Variants in GPATCH2 observed in about 807,000 individuals in gnomAD.
GPATCH2 encodes G-patch domain containing 2.
In GPATCH2, 51 loss-of-function variants were observed where a neutral mutation model predicts 58.0. That is an observed-to-expected ratio of 0.88 (90% CI 0.70 to 1.11). The LOEUF is 1.11. Among genes scored for constraint, GPATCH2 ranks in the 50% most tolerant of loss-of-function variants. The pLI, the probability that GPATCH2 is intolerant of heterozygous loss-of-function variation, is 0.00. For missense variants in GPATCH2, 625 were observed against 652.2 expected (o/e 0.96, Z 0.45); for synonymous variants, 222 against 218.5 (o/e 1.02, Z -0.14).
intron 5 of GPATCH2, among the ~76,000 whole-genome samples, chr1:217,528,501 G>A (rs1244150863): frequency 6.6e-6 from 1 of 152,182 alleles, no homozygotes; most frequent in Non-Finnish European, 1.5e-5. Context: ...GCTCCTTGGT[G>A]AATGAAAAGG....
intron 2 of GPATCH2, among the ~76,000 whole-genome samples, chr1:217,616,821 A>G (rs1668909441): frequency 6.6e-6 from 1 of 152,188 alleles, no homozygotes; most frequent in Admixed American, 6.5e-5. Flanking sequence ...GTACACTAAT[A>G]TCAATCACTT....
At chr1:217,513,123 C>T (rs1571837506) in intron 6 of GPATCH2, among the ~76,000 whole-genome samples, 1 of 152,142 alleles carries the variant, frequency 6.6e-6, no homozygotes, top group East Asian at 1.9e-4. Flanking sequence ...TACCCCATCT[C>T]TACTAAAAAT....
intron 5 of GPATCH2, among the ~76,000 whole-genome samples, chr1:217,604,142 G>A (rs1668244769): frequency 1.3e-5 from 2 of 152,020 alleles, no homozygotes; most frequent in South Asian, 4.2e-4. Flanking sequence ...CCTGAGGTCA[G>A]GAGTTTGAGA....
At chr1:217,509,413 C>T (rs930143693) in intron 6 of GPATCH2, among the ~76,000 whole-genome samples, 24 of 152,114 alleles carry the variant, frequency 1.6e-4, no homozygotes, top group African/African-American at 5.8e-4. Flanking sequence ...CTACCTCACC[C>T]GCTCCCAGTA....
In GPATCH2 at chr1:217,630,945, C is replaced by A. The variant is rs1040653895; in HGVS notation, c.27G>T (p.Pro9=). ...TGTTCCCGGCTGCTGGAGCTCCGAT[C>A]GGTTGGCGCCCGGCGGCCCCGAACA... MFGAAGRQ[P]IGAPAAGNSW... The change falls in exon 1 of 10, where the codon CCG becomes CCT. Residue 9 remains proline (P), a synonymous_variant. Transcript: ENST00000366935. The A allele has an allele frequency of 4.4e-6, 7 of 1,589,558 alleles. No homozygotes were observed. In the African/African-American group the frequency reaches 6.7e-5, roughly 15 times the overall value.
At chr1:217,613,027 T>C (rs866915311) in intron 3 of GPATCH2, among the ~76,000 whole-genome samples, 7 of 152,240 alleles carry the variant, frequency 4.6e-5, no homozygotes, top group Middle Eastern at 6.8e-3. Flanking sequence ...AGTTTTTTTT[T>C]ACTTTTTTTC....
chr1:217,580,198 A>G lies in GPATCH2; in HGVS notation c.1098+30123T>C, dbSNP rs533862210. 7.9e-5 allele frequency among the ~76,000 whole-genome samples: 12 copies of G among 152,306 alleles called. No homozygotes were observed. In the South Asian group the frequency reaches 2.5e-3, roughly 32 times the overall value. ...CTCCTTAAATATTTTTGATGCACAA[A>G]TTTAACTTGGTATACCACACCATAA... On this transcript the variant is annotated intron_variant, in intron 5 of 9. Transcript: ENST00000366935.
chr1:217,515,615 G>C (rs901464768), intron 5 of GPATCH2, among the ~76,000 whole-genome samples: 1 of 152,010 alleles, frequency 6.6e-6, no homozygotes. Flanking sequence ...GGCTGAGGCC[G>C]CAGAATCGCT....
At chr1:217,494,124 C>A (rs145847048) in intron 7 of GPATCH2, among the ~76,000 whole-genome samples, 19 of 152,196 alleles carry the variant, frequency 1.2e-4, no homozygotes, top group African/African-American at 4.6e-4. Flanking sequence ...TGTTATAGCT[C>A]CTTTTATTAG....
intron 5 of GPATCH2, among the ~76,000 whole-genome samples, chr1:217,528,365 C>A (rs1664023374): frequency 6.6e-6 from 1 of 152,174 alleles, no homozygotes. Flanking sequence ...TTTGCCTTTA[C>A]TTCCTCGTTG....
intron 6 of GPATCH2, among the ~76,000 whole-genome samples, chr1:217,510,358 C>T (rs999793125): frequency 4.9e-4 from 74 of 151,764 alleles, no homozygotes; most frequent in African/African-American, 1.8e-3. Flanking sequence ...ATTTGATATC[C>T]TCCACCATTT....
chr1:217,532,900 G>GTTT (rs59591091), intron 5 of GPATCH2, among the ~76,000 whole-genome samples: 1 of 110,860 alleles, frequency 9.0e-6, no homozygotes, highest in Non-Finnish European at 1.8e-5. Flanking sequence ...TTTTTTTTTT[G>GTTT]TTTTTTTTTT....
At chr1:217,615,301 T>TA in intron 2 of GPATCH2, among the ~76,000 whole-genome samples, 1 of 152,226 alleles carries the variant, frequency 6.6e-6, no homozygotes, top group South Asian at 2.1e-4. Flanking sequence ...AGGAATTTCT[T>TA]AAGAGGCACA....
chr1:217,432,221 T>C (rs1658575572), intron 9 of GPATCH2, among the ~76,000 whole-genome samples: 1 of 152,038 alleles, frequency 6.6e-6, no homozygotes, highest in Non-Finnish European at 1.5e-5. Flanking sequence ...GTGCTTAACA[T>C]GAAATTTAGA....
At chr1:217,530,065 A>G (rs1051546459) in intron 5 of GPATCH2, among the ~76,000 whole-genome samples, 1 of 152,240 alleles carries the variant, frequency 6.6e-6, no homozygotes, top group African/African-American at 2.4e-5. Flanking sequence ...CCTTTGTGGT[A>G]AGTCTAGAAA....
intron 5 of GPATCH2, among the ~76,000 whole-genome samples, chr1:217,598,794 T>C (rs1332972806): frequency 6.6e-6 from 1 of 152,214 alleles, no homozygotes; most frequent in Non-Finnish European, 1.5e-5. Flanking sequence ...TACAATGTGC[T>C]AATAGCTCCC....
At chr1:217,561,323 C>T (rs1665914028) in intron 5 of GPATCH2, among the ~76,000 whole-genome samples, 1 of 152,134 alleles carries the variant, frequency 6.6e-6, no homozygotes, top group Non-Finnish European at 1.5e-5. Context: ...AGGAGGAGCT[C>T]TGGTGTCACT....
intron 5 of GPATCH2, among the ~76,000 whole-genome samples, chr1:217,592,457 C>G (rs1667636002): frequency 6.6e-6 from 1 of 151,424 alleles, no homozygotes; most frequent in Non-Finnish European, 1.5e-5. Context: ...AAATGGATAC[C>G]AATATGACTT....
chr1:217,468,921 A>T (rs1168576875), intron 8 of GPATCH2, among the ~76,000 whole-genome samples: 3 of 152,122 alleles, frequency 2.0e-5, no homozygotes, highest in Non-Finnish European at 4.4e-5. Flanking sequence ...ATGATAAAAT[A>T]TTGTTAAAAA....
Sources: allele counts gnomAD v4.1 joint callset (sites outside exome capture counted in the v4.1 genomes callset), GRCh38; gene constraint gnomAD v4.1.1; transcripts MANE v1.5; gene names NCBI Gene and HGNC (gene_info 2026-07-23, HGNC 2026-07-21).